The following OSBPL3 variants were observed in gnomAD, a reference collection of about 807,000 sequenced individuals.
OSBPL3 encodes oxysterol-binding protein-related protein 3.
Under a neutral mutation model 120.1 loss-of-function variants are expected in OSBPL3, and 65 were observed. The observed-to-expected ratio is 0.54, with a 90% CI of 0.44 to 0.67. OSBPL3 has a LOEUF of 0.67. OSBPL3 is among the 30% of genes least tolerant of loss of function. The pLI is 0.00. For missense variants in OSBPL3, 1,004 were observed against 1,082.1 expected, an observed-to-expected ratio of 0.93 and a Z score of 1.01; for synonymous variants, 416 against 402.6, an observed-to-expected ratio of 1.03 and a Z score of -0.40.
Position 24,913,822 on chromosome 7 carries a change from G to GAGGACA in OSBPL3, c.-149-21207_-149-21202dup, listed in dbSNP as rs1359063712. On this transcript the variant is annotated intron_variant, in intron 1 of 22. Transcript: ENST00000313367. This position sits in a 1 kb window ranked among gnomAD's most constrained non-coding sequence, Gnocchi z 5.3. ...CAGTCAGTGGGGATACAACTAGGAC[G>GAGGACA]AGGACAAGGACCAAGGACCGTATCC... is the stretch of plus-strand genomic sequence containing the variant. Among the ~76,000 whole-genome samples, 5 of 152,104 alleles carry GAGGACA rather than the reference G, an allele frequency of 3.3e-5. No individual in the cohort carries two copies. Among genetic ancestry groups the GAGGACA allele is most frequent in the Non-Finnish European group, 7.4e-5 (5 of 68,026 alleles).
intron 2 of OSBPL3, among the ~76,000 whole-genome samples, chr7:24,884,636 G>A (rs539188353): frequency 2.6e-5 from 4 of 152,262 alleles, no homozygotes; most frequent in Admixed American, 6.5e-5. Flanking sequence ...CACAAAAGGC[G>A]AATGTTTATT....
In OSBPL3 at chr7:24,972,286, C is replaced by T. The variant is rs934152059; in HGVS notation, c.-150+7600G>A. Among the ~76,000 whole-genome samples, 1 of 152,216 alleles carries T rather than the reference C, an allele frequency of 6.6e-6. No individual in the cohort carries two copies. The highest frequency in any genetic ancestry group is 2.4e-5 in the African/African-American group (1 of 41,458). ...AGTTCTACATGGCCTCCAGCAATGGCAGAAAGACACAAAAGGGCAGGACTC... is the reference window on the plus strand; with the variant it reads ...AGTTCTACATGGCCTCCAGCAATGGTAGAAAGACACAAAAGGGCAGGACTC... On this transcript the variant is annotated intron_variant, in intron 1 of 22. Coordinates refer to ENST00000313367, the MANE Select transcript of OSBPL3 (RefSeq NM_015550.4). This position sits in a 1 kb window ranked among gnomAD's most constrained non-coding sequence, Gnocchi z 4.3.
At chr7:24,845,384 T>TAAAAAAAAAAAAAAAAAAAAA (rs34559902) in intron 12 of OSBPL3, among the ~76,000 whole-genome samples, 34 of 62,264 alleles carry the variant, frequency 5.5e-4, no homozygotes, top group Middle Eastern at 0.025. Flanking sequence ...GCAAAATAAG[T>TAAAAAAAAAAAAAAAAAAAAA]AAAAAAAAAA....
chr7:24,973,225 A>C (rs1351537820), intron 1 of OSBPL3, among the ~76,000 whole-genome samples: 2 of 152,144 alleles, frequency 1.3e-5, no homozygotes, highest in African/African-American at 4.8e-5. Flanking sequence ...GCCCACACCC[A>C]CTCAGAGAAC....
chr7:24,884,478 C>T (rs118134355), intron 2 of OSBPL3, among the ~76,000 whole-genome samples: 1,919 of 152,234 alleles, frequency 0.013, 24 homozygotes, highest in Non-Finnish European at 0.014. Context: ...GTTTTCACTT[C>T]GAGTGTCCCA....
At position 24,946,533 on chromosome 7, in the gene OSBPL3, C is replaced by G. The variant is rs1813749351; in HGVS notation, c.-150+33353G>C. On this transcript the variant is annotated intron_variant, in intron 1 of 22. Transcript: ENST00000313367. This position sits in a 1 kb window ranked among gnomAD's most constrained non-coding sequence, Gnocchi z 4.3. ...ATATGAGACATTAAGAGGGAAGTAA[C>G]AGACATTATCTGTTATTTTGCTCAG... Among the ~76,000 whole-genome samples the G allele has an allele frequency of 6.6e-6, 1 of 152,144 alleles. No homozygotes were observed. The highest frequency in any genetic ancestry group is 6.5e-5 in the Admixed American group (1 of 15,276).
rs201491539 is a variant in OSBPL3, at chr7:24,804,235, C to T, written c.2567+80G>A. The stretch of plus-strand genomic sequence containing the variant: ...AGAATGCTCTTATCTGGGGACAGTA[C>T]TGTTCACTTTCTGCAAACCAGAAGC... On this transcript the variant is annotated intron_variant, in intron 22 of 22. Transcript: ENST00000313367. The surrounding 1 kb of genome is among the most constrained non-coding windows in gnomAD (Gnocchi z 5.4). The T allele has an allele frequency of 2.6e-6, 4 of 1,529,626 alleles. No individual in the cohort carries two copies. The highest frequency in any genetic ancestry group is 2.7e-6 in the Non-Finnish European group (3 of 1,105,528). The allele number at this position is 1,529,626 out of a possible 1,614,324, so 94.8% of individuals were successfully genotyped here.
Position 24,815,212 on chromosome 7 carries a change from A to G in OSBPL3, c.2028-9T>C, listed in dbSNP as rs748728266. The G allele has an allele frequency of 5.0e-5, 81 of 1,610,494 alleles. 1 individual carries two copies. The highest frequency in any genetic ancestry group is 5.9e-6 in the Non-Finnish European group (7 of 1,178,890). On this transcript the variant is annotated splice_polypyrimidine_tract_variant and intron_variant, in intron 18 of 22. Coordinates refer to ENST00000313367, the MANE Select transcript of OSBPL3 (RefSeq NM_015550.4). The surrounding 1 kb of genome is among the most constrained non-coding windows in gnomAD (Gnocchi z 5.1). ...CAAAATGATCCCCAAAACTAAAAAG[A>G]AGGAAAAAGTAGAAGTACCAATTTC...
intron 22 of OSBPL3, among the ~76,000 whole-genome samples, chr7:24,801,934 T>C (rs1377340175): frequency 6.6e-6 from 1 of 152,244 alleles, no homozygotes; most frequent in African/African-American, 2.4e-5. Context: ...CTTAGGTTAT[T>C]TCTAAACTCT....
At position 24,862,783 on chromosome 7, in the gene OSBPL3, G is replaced by T. The variant is rs188389202; in HGVS notation, c.870+417C>A. On this transcript the variant is annotated intron_variant, in intron 9 of 22. Transcript: ENST00000313367. The surrounding 1 kb of genome is among the most constrained non-coding windows in gnomAD (Gnocchi z 4.4). ...CCATGTCCTGTGCCCAGAGAATCAG[G>T]CCTGTGGGCTTAGAGGGATGACAAA... Among the ~76,000 whole-genome samples, 1 of 152,250 alleles carries T rather than the reference G, an allele frequency of 6.6e-6. No homozygotes were observed. The highest frequency in any genetic ancestry group is 1.9e-4 in the East Asian group (1 of 5,172).
intron 1 of OSBPL3, among the ~76,000 whole-genome samples, chr7:24,929,973 AAAGT>A (rs1182529808): frequency 6.6e-6 from 1 of 152,182 alleles, no homozygotes; most frequent in Non-Finnish European, 1.5e-5. Flanking sequence ...CCAAATCCCC[AAAGT>A]TAGTCTTCAC....
intron 1 of OSBPL3, among the ~76,000 whole-genome samples, chr7:24,948,815 C>G (rs7803029): frequency 6.6e-6 from 1 of 151,862 alleles, no homozygotes; most frequent in African/African-American, 2.4e-5. Context: ...CAAGCTCTTC[C>G]GAGGTGTGGA....
chr7:24,805,244 T>G lies in OSBPL3; in HGVS notation c.2445-807A>C, dbSNP rs546198065. On this transcript the variant is annotated intron_variant, in intron 21 of 22. Coordinates refer to ENST00000313367, the MANE Select transcript of OSBPL3 (RefSeq NM_015550.4). The surrounding 1 kb of genome is among the most constrained non-coding windows in gnomAD (Gnocchi z 4.0). ...TTTTCTCCCATAACCTCAAAGTGTATAAAACTTCTGAATTTTTGCCAATCT... is the reference window on the plus strand; with the variant it reads ...TTTTCTCCCATAACCTCAAAGTGTAGAAAACTTCTGAATTTTTGCCAATCT... Among the ~76,000 whole-genome samples the G allele has an allele frequency of 2.0e-5, 3 of 152,180 alleles. No homozygotes were observed. The highest frequency in any genetic ancestry group is 4.4e-5 in the Non-Finnish European group (3 of 68,030).
intron 2 of OSBPL3, among the ~76,000 whole-genome samples, chr7:24,889,751 G>C (rs909391381): frequency 6.6e-6 from 1 of 152,226 alleles, no homozygotes; most frequent in African/African-American, 2.4e-5. Flanking sequence ...AAAAGGCTGG[G>C]ACCTGAGCCA....
At chr7:24,909,845 C>T (rs1808567692) in intron 1 of OSBPL3, among the ~76,000 whole-genome samples, 1 of 126,442 alleles carries the variant, frequency 7.9e-6, no homozygotes, top group Non-Finnish European at 1.6e-5. Flanking sequence ...CAGGCTGGAG[C>T]GCAGTGGCGT....
rs376558736 is a variant in OSBPL3, at chr7:24,940,536, G to A, written c.-150+39350C>T. ...AAAGGTTTAGTGAGAGAAAGCAGATGGGAAAGACAGGGGCCGTGATGGAGG... is the reference window on the plus strand; with the variant it reads ...AAAGGTTTAGTGAGAGAAAGCAGATAGGAAAGACAGGGGCCGTGATGGAGG... On this transcript the variant is annotated intron_variant, in intron 1 of 22. Transcript: ENST00000313367. This position sits in a 1 kb window ranked among gnomAD's most constrained non-coding sequence, Gnocchi z 4.4. Among the ~76,000 whole-genome samples, 14 of 152,192 alleles carry A rather than the reference G, an allele frequency of 9.2e-5. No homozygotes were observed. In the South Asian group the frequency reaches 1.5e-3, roughly 16 times the overall value.
At position 24,892,451 on chromosome 7, in the gene OSBPL3, G is replaced by C; in HGVS notation, c.22C>G (p.Leu8Val). The part of the protein sequence containing the change: MMSDEKN[L>V]GVSQKLVSPS... ...GATACCAATTTTTGGGACACACCAA[G>C]GTTCTTCTCATCACTCATCATGGAC... is the stretch of plus-strand genomic sequence containing the variant. The change falls in exon 2 of 23, where the codon CTT (leucine) becomes GTT (valine). Residue 8 changes from leucine (L) to valine (V), a missense_variant. Around this residue, in one of 4 missense-constraint regions of OSBPL3, gnomAD observed 255 missense variants for 248.7 expected, o/e 1.03. Coordinates refer to ENST00000313367, the MANE Select transcript of OSBPL3 (RefSeq NM_015550.4). 6.2e-7 allele frequency: 1 copy of C among 1,613,648 alleles called. No homozygotes were observed. The highest frequency in any genetic ancestry group is 8.5e-7 in the Non-Finnish European group (1 of 1,179,662).
intron 13 of OSBPL3, among the ~76,000 whole-genome samples, chr7:24,841,292 C>A (rs566122234): frequency 5.0e-4 from 65 of 129,188 alleles, no homozygotes; most frequent in Non-Finnish European, 8.8e-4. Context: ...ATTACAATAA[C>A]CATATTATCA....
chr7:24,842,178 T>C, intron 13 of OSBPL3, 101 bp downstream of exon 13: 1 of 1,236,872 alleles, frequency 8.1e-7, no homozygotes, highest in East Asian at 2.3e-5. Context: ...AAAGGGCAAC[T>C]GAGTTTAGTG....
Sources: allele counts gnomAD v4.1 joint callset (sites outside exome capture counted in the v4.1 genomes callset), GRCh38; gene constraint gnomAD v4.1.1; regional missense constraint gnomAD v4.1.1; non-coding constraint Gnocchi (gnomAD v3.1); transcripts MANE v1.5; gene names NCBI Gene and HGNC (gene_info 2026-07-23, HGNC 2026-07-21).